The following TSPAN2 variants were observed in gnomAD, a reference collection of about 807,000 sequenced individuals.
The protein encoded by TSPAN2 is tetraspanin 2.
A neutral mutation model predicts 33.3 loss-of-function variants in TSPAN2; 24 were observed. The ratio of observed to expected loss-of-function variants is 0.72; its 90% CI spans 0.52 to 1.01. TSPAN2 has a LOEUF of 1.01. TSPAN2 is among the 50% of genes least tolerant of loss of function. The probability of loss-of-function intolerance (pLI) is 0.00; values close to 1 mark genes in which losing one functional copy is unlikely to be tolerated. For synonymous variants in TSPAN2, 114 were observed against 104.5 expected (o/e 1.09, Z -0.56); for missense variants, 278 against 281.3 (o/e 0.99, Z 0.08).
At chr1:115,087,560 G>A (rs1193383886) in intron 1 of TSPAN2, among the ~76,000 whole-genome samples, 4 of 146,920 alleles carry the variant, frequency 2.7e-5, no homozygotes, top group Non-Finnish European at 5.9e-5. Context: ...AGCTTGCAGT[G>A]AGTGGAGATC....
At chr1:115,057,803 C>T (rs910622) in intron 5 of TSPAN2, among the ~76,000 whole-genome samples, 195 bp from the exon 6 acceptor site, 48,024 of 152,108 alleles carry the variant, frequency 0.32, 8,035 homozygotes, top group South Asian at 0.51. Flanking sequence ...AATGACTTCG[C>T]TAAAGCCATC....
rs748950323 is a variant in TSPAN2, at chr1:115,083,641, C to T, written c.69+5723G>A. On this transcript the variant is annotated intron_variant, in intron 1 of 7. Transcript: ENST00000369516. ...CTGAATCCGAATAAAGCTGAATAAGCTCCCTATGTGATCTGTACGCACGTT... is the reference window on the plus strand; with the variant it reads ...CTGAATCCGAATAAAGCTGAATAAGTTCCCTATGTGATCTGTACGCACGTT... Among the ~76,000 whole-genome samples, 13 of 152,314 alleles carry T rather than the reference C, an allele frequency of 8.5e-5. No individual in the cohort carries two copies. The East Asian group carries it at 2.5e-3, about 29-fold the overall frequency.
chr1:115,087,141 A>G (rs1427551137), intron 1 of TSPAN2, among the ~76,000 whole-genome samples: 1 of 151,170 alleles, frequency 6.6e-6, no homozygotes, highest in African/African-American at 2.4e-5. Context: ...CTGGTCTCGA[A>G]CTCCTGACCT....
At chr1:115,063,850 A>G (rs1336254938) in intron 2 of TSPAN2, among the ~76,000 whole-genome samples, 1 of 152,194 alleles carries the variant, frequency 6.6e-6, no homozygotes, top group African/African-American at 2.4e-5. Context: ...GTAGGAGCTA[A>G]ATATTGGGTA....
At chr1:115,088,576 T>G (rs1379304206) in intron 1 of TSPAN2, among the ~76,000 whole-genome samples, 1 of 152,166 alleles carries the variant, frequency 6.6e-6, no homozygotes, top group African/African-American at 2.4e-5. Context: ...AGGGTCAAGA[T>G]CCTATCTCTC....
At chr1:115,083,596 T>C (rs1234310681) in intron 1 of TSPAN2, among the ~76,000 whole-genome samples, 2 of 152,156 alleles carry the variant, frequency 1.3e-5, no homozygotes. Flanking sequence ...ACCTGGGAGC[T>C]TGTTAGAAAT....
In TSPAN2 at chr1:115,054,661, A is replaced by G. The variant is rs551620397; in HGVS notation, c.517-1199T>C. On this transcript the variant is annotated intron_variant, in intron 6 of 7. Coordinates refer to ENST00000369516, the MANE Select transcript of TSPAN2 (RefSeq NM_005725.6). Reference sequence around the variant, plus strand: ...CACACTCCTGACTCCTTTTTCTCTGATCAGAGCCAAAGAGGTGCCCTTCTC... The same window carrying G: ...CACACTCCTGACTCCTTTTTCTCTGGTCAGAGCCAAAGAGGTGCCCTTCTC... Among the ~76,000 whole-genome samples the G allele has an allele frequency of 2.6e-5, 4 of 152,130 alleles. No homozygotes were observed. The South Asian group carries it at 8.3e-4, about 32-fold the overall frequency.
chr1:115,068,394 C>T (rs7339936), intron 2 of TSPAN2, among the ~76,000 whole-genome samples: 3,926 of 152,274 alleles, frequency 0.026, 211 homozygotes, highest in African/African-American at 0.09. Context: ...TCATCTACCC[C>T]GAAGCAGGGA....
chr1:115,065,559 CT>C (rs1553217958), intron 2 of TSPAN2, among the ~76,000 whole-genome samples: 2 of 152,180 alleles, frequency 1.3e-5, no homozygotes, highest in African/African-American at 2.4e-5. Context: ...ACCACAAGTA[CT>C]TTCCCTGGGA....
chr1:115,051,847 A>C (rs1484107835), intron 7 of TSPAN2, among the ~76,000 whole-genome samples: 3 of 152,180 alleles, frequency 2.0e-5, no homozygotes, highest in Non-Finnish European at 4.4e-5. Context: ...TAGTTAGCTG[A>C]TTACATTGTG....
intron 1 of TSPAN2, among the ~76,000 whole-genome samples, chr1:115,080,197 T>C (rs1353299298): frequency 6.6e-6 from 1 of 152,174 alleles, no homozygotes; most frequent in Non-Finnish European, 1.5e-5. Flanking sequence ...TTATACATAA[T>C]GTCTTTTCTC....
At chr1:115,063,131 T>C (rs1000579751) in intron 2 of TSPAN2, among the ~76,000 whole-genome samples, 3 of 152,204 alleles carry the variant, frequency 2.0e-5, no homozygotes, top group African/African-American at 7.2e-5. Flanking sequence ...AATAGTGTTG[T>C]TGGCCCCACT....
Position 115,057,616 on chromosome 1 carries a change from G to A in TSPAN2, c.445-8C>T. 1 of 1,613,966 alleles carries A rather than the reference G, an allele frequency of 6.2e-7. No individual in the cohort carries two copies. The highest frequency in any genetic ancestry group is 1.3e-5 in the African/African-American group (1 of 75,050). On this transcript the variant is annotated splice_region_variant and splice_polypyrimidine_tract_variant and intron_variant, in intron 5 of 7. Coordinates refer to ENST00000369516, the MANE Select transcript of TSPAN2 (RefSeq NM_005725.6). ...TTTTCCACAGCACTGAAACTAGAGA[G>A]TCAGAAAAGAGACTTCAGGACCAGG...
chr1:115,069,722 G>A (rs1163518007), intron 2 of TSPAN2, among the ~76,000 whole-genome samples: 1 of 152,220 alleles, frequency 6.6e-6, no homozygotes, highest in East Asian at 1.9e-4. Context: ...GCAATACGAA[G>A]AGTCCTGATA....
chr1:115,089,456 C>T lies in TSPAN2; in HGVS notation c.-24G>A. The stretch of plus-strand genomic sequence containing the variant: ...ATGCTGCGGCCCGGCGGCGGGATCC[C>T]CAGTCCCCAGGCCCGCGCTACGAGC... On this transcript the variant is annotated 5_prime_UTR_variant, in exon 1 of 8. Transcript: ENST00000369516. The T allele has an allele frequency of 2.0e-6, 3 of 1,536,808 alleles. No individual in the cohort carries two copies. Among genetic ancestry groups the T allele is most frequent in the Non-Finnish European group, 1.8e-6 (2 of 1,142,824 alleles).
intron 2 of TSPAN2, among the ~76,000 whole-genome samples, chr1:115,070,101 C>A (rs891953722): frequency 6.6e-6 from 1 of 152,174 alleles, no homozygotes; most frequent in East Asian, 1.9e-4. Flanking sequence ...TAGCGCCACG[C>A]AACGGCCCCT....
chr1:115,072,839 CTGCTCTAAGTCTT>C (rs1648234575), intron 2 of TSPAN2, 53 bp downstream of exon 2: 1 of 1,384,558 alleles, frequency 7.2e-7, no homozygotes. Flanking sequence ...AGTGCAGCTT[CTGCTCTAAGTCTT>C]TGCACAGCCC....
At chr1:115,075,683 C>A (rs1184022975) in intron 1 of TSPAN2, among the ~76,000 whole-genome samples, 1 of 152,054 alleles carries the variant, frequency 6.6e-6, no homozygotes, top group African/African-American at 2.4e-5. Flanking sequence ...AAATGGTCTC[C>A]CCAAAGACCT....
chr1:115,084,573 ACT>A (rs1648760962), intron 1 of TSPAN2, among the ~76,000 whole-genome samples: 1 of 152,102 alleles, frequency 6.6e-6, no homozygotes, highest in Non-Finnish European at 1.5e-5. Context: ...GGCCCCTGGT[ACT>A]CTCTTTCCAC....
Sources: allele counts gnomAD v4.1 joint callset (sites outside exome capture counted in the v4.1 genomes callset), GRCh38; gene constraint gnomAD v4.1.1; transcripts MANE v1.5; gene names NCBI Gene and HGNC (gene_info 2026-07-23, HGNC 2026-07-21).